The following OPRM1 variants were observed in gnomAD, a reference collection of about 807,000 sequenced individuals.
The protein encoded by OPRM1 is mu-type opioid receptor.
OPRM1 carries 27 observed loss-of-function variants against 31.8 expected under a neutral mutation model. The ratio of observed to expected loss-of-function variants is 0.85; its 90% confidence interval spans 0.63 to 1.17. The LOEUF (loss-of-function observed/expected upper bound fraction) is 1.17, where lower values mean the gene tolerates loss of function less well. Among genes scored for constraint, OPRM1 ranks in the 50% most tolerant of loss-of-function variants. The probability of loss-of-function intolerance (pLI) is 0.00; values close to 1 mark genes in which losing one functional copy is unlikely to be tolerated. For synonymous variants in OPRM1, 196 were observed against 189.9 expected, an observed-to-expected ratio of 1.03 and a Z score of -0.26; for missense variants, 536 against 511.1, an observed-to-expected ratio of 1.05 and a Z score of -0.47.
upstream of OPRM1, among the ~76,000 whole-genome samples, chr6:154,037,721 T>A (rs557413764): frequency 4.6e-5 from 7 of 152,172 alleles, no homozygotes; most frequent in African/African-American, 1.7e-4. Flanking sequence ...AACAGACATA[T>A]GAGGTGAATA....
chr6:154,053,796 G>T (rs772862078), intron 1 of OPRM1, among the ~76,000 whole-genome samples: 1 of 152,174 alleles, frequency 6.6e-6, no homozygotes, highest in African/African-American at 2.4e-5. Context: ...GAAAAAGTTC[G>T]CAAGAAGAGT....
chr6:154,102,508 G>A (rs1794986016), intron 3 of OPRM1, among the ~76,000 whole-genome samples: 1 of 152,132 alleles, frequency 6.6e-6, no homozygotes, highest in East Asian at 1.9e-4. Flanking sequence ...CATTTAAAAG[G>A]AATGAAATAA....
chr6:154,127,564 T>C lies in OPRM1; in HGVS notation c.*8843T>C, dbSNP rs573898504. Among the ~76,000 whole-genome samples, 4 of 152,308 alleles carry C rather than the reference T, an allele frequency of 2.6e-5. No individual in the cohort carries two copies. The highest frequency in any genetic ancestry group is 7.2e-5 in the African/African-American group (3 of 41,582). On this transcript the variant is annotated 3_prime_UTR_variant, in exon 4 of 4. Coordinates refer to ENST00000330432, the MANE Select transcript of OPRM1 (RefSeq NM_000914.5). Reference sequence around the variant, plus strand: ...TAGATTAGGAGGTCCACACCACCAATTGAGATGTACCTGTGCTCATGACTT... The same window carrying C: ...TAGATTAGGAGGTCCACACCACCAACTGAGATGTACCTGTGCTCATGACTT...
chr6:154,195,401 C>T (rs375379246), intron 3 of OPRM1, among the ~76,000 whole-genome samples: 90 of 152,234 alleles, frequency 5.9e-4, no homozygotes, highest in African/African-American at 2.2e-3. Context: ...CCCACCTCGG[C>T]CTCCCAAAGT....
chr6:154,035,329 C>T (rs1316837499), upstream of OPRM1, among the ~76,000 whole-genome samples: 4 of 151,878 alleles, frequency 2.6e-5, no homozygotes, highest in African/African-American at 7.3e-5. Context: ...TATTTTTTTA[C>T]CATGCAAATA....
intron 1 of OPRM1, among the ~76,000 whole-genome samples, chr6:154,040,760 A>G (rs907748707): frequency 6.6e-6 from 1 of 152,166 alleles, no homozygotes; most frequent in African/African-American, 2.4e-5. Context: ...AATTAATTCA[A>G]AAGAGTTGTA....
chr6:154,127,166 C>T lies in OPRM1; in HGVS notation c.*8445C>T, dbSNP rs975142929. The stretch of plus-strand genomic sequence containing the variant: ...TGCCCAAAGTTTCCTTCACACAACA[C>T]AGCCTTGAGATGCAGTATTAAATTC... On this transcript the variant is annotated 3_prime_UTR_variant, in exon 4 of 4. Coordinates refer to ENST00000330432, the MANE Select transcript of OPRM1 (RefSeq NM_000914.5). Among the ~76,000 whole-genome samples, 1 of 151,434 alleles carries T rather than the reference C, an allele frequency of 6.6e-6. No individual in the cohort carries two copies. Among genetic ancestry groups the T allele is most frequent in the African/African-American group, 2.4e-5 (1 of 41,198 alleles).
At chr6:154,100,253 A>G (rs949698326) in intron 3 of OPRM1, among the ~76,000 whole-genome samples, 5 of 148,574 alleles carry the variant, frequency 3.4e-5, no homozygotes, top group Non-Finnish European at 7.4e-5. Flanking sequence ...TATGACATAT[A>G]TCATAATATA....
chr6:154,218,140 G>A (rs1244621955), intron 3 of OPRM1, among the ~76,000 whole-genome samples: 1 of 152,166 alleles, frequency 6.6e-6, no homozygotes, highest in African/African-American at 2.4e-5. Context: ...CTAAGTAGAT[G>A]GATGCACTAA....
At chr6:154,107,721 T>A in intron 3 of OPRM1, 1 of 718,534 alleles carries the variant, frequency 1.4e-6, no homozygotes, top group East Asian at 2.7e-5. Context: ...GTGGAGAGAC[T>A]TCATCCAGTT....
downstream of OPRM1, among the ~76,000 whole-genome samples, chr6:154,133,539 T>C (rs181829090): frequency 4.5e-4 from 69 of 152,382 alleles, no homozygotes; most frequent in Non-Finnish European, 7.9e-4. Context: ...AGTATTTATC[T>C]AGAAATTGAA....
At chr6:154,060,433 G>A (rs1033015046) in intron 1 of OPRM1, among the ~76,000 whole-genome samples, 4 of 152,080 alleles carry the variant, frequency 2.6e-5, no homozygotes, top group African/African-American at 9.7e-5. Context: ...TTCTCAAATG[G>A]TTAATGGGGT....
chr6:154,106,277 G>A (rs1221635973), intron 3 of OPRM1, among the ~76,000 whole-genome samples: 1 of 152,170 alleles, frequency 6.6e-6, no homozygotes, highest in Non-Finnish European at 1.5e-5. Context: ...AATTACATGT[G>A]ATAATGTTAA....
chr6:154,210,671 TA>T (rs1777886832), intron 3 of OPRM1, among the ~76,000 whole-genome samples: 1 of 152,190 alleles, frequency 6.6e-6, no homozygotes, highest in South Asian at 2.1e-4. Flanking sequence ...AATTGATTTT[TA>T]AAAAGGAGAA....
chr6:154,057,716 G>T (rs917175160), intron 1 of OPRM1, among the ~76,000 whole-genome samples: 26 of 152,172 alleles, frequency 1.7e-4, no homozygotes, highest in African/African-American at 5.1e-4. Context: ...CGGCACAGAA[G>T]AGCAGAGTCC....
At position 154,117,734 on chromosome 6, in the gene OPRM1, A is replaced by AG. The variant is rs557442202; in HGVS notation, c.1165-946dup. The stretch of plus-strand genomic sequence containing the variant: ...TTTGTCAGGGTCAGCAAGGGTGTGC[A>AG]GGGACACTCCTGGCCATGATGGACT... On this transcript the variant is annotated intron_variant, in intron 3 of 3. Coordinates refer to ENST00000330432, the MANE Select transcript of OPRM1 (RefSeq NM_000914.5). Among the ~76,000 whole-genome samples the AG allele has an allele frequency of 1.1e-4, 17 of 152,300 alleles. No homozygotes were observed. In the South Asian group the frequency reaches 3.3e-3, roughly 30 times the overall value.
Position 154,119,061 on chromosome 6 carries a change from C to A in OPRM1, c.*340C>A. 1 of 1,048,428 alleles carries A rather than the reference C, an allele frequency of 9.5e-7. No individual in the cohort carries two copies. Among genetic ancestry groups the A allele is most frequent in the Non-Finnish European group, 1.1e-6 (1 of 870,354 alleles). The allele number at this position is 1,048,428 out of a possible 1,614,324, so 64.9% of individuals were successfully genotyped here. On this transcript the variant is annotated 3_prime_UTR_variant, in exon 4 of 4. Transcript: ENST00000330432. ...TTTATTTTCAAGCAAATATTTATGA[C>A]CTCAACAAAGAAGAACCATCTTTTG...
At chr6:154,154,818 TG>T (rs749844639) in intron 3 of OPRM1, 2 of 152,616 alleles carry the variant, frequency 1.3e-5, no homozygotes, top group Non-Finnish European at 2.9e-5. Flanking sequence ...GAGGGGTAGC[TG>T]ACACAGGATG....
chr6:154,181,782 C>T (rs2128569411), intron 3 of OPRM1, among the ~76,000 whole-genome samples: 1 of 152,314 alleles, frequency 6.6e-6, no homozygotes, highest in South Asian at 2.1e-4. Flanking sequence ...CAATCTAGGA[C>T]ACAAACCACA....
Sources: allele counts gnomAD v4.1 joint callset (sites outside exome capture counted in the v4.1 genomes callset), GRCh38; gene constraint gnomAD v4.1.1; transcripts MANE v1.5; gene names NCBI Gene and HGNC (gene_info 2026-07-23, HGNC 2026-07-21).